The following KCNQ3 variants were observed in gnomAD, a reference collection of about 807,000 sequenced individuals.
KCNQ3 encodes potassium voltage-gated channel subfamily Q member 3.
Under a neutral mutation model 92.5 loss-of-function variants are expected in KCNQ3, and 30 were observed. That is an observed-to-expected ratio of 0.32 (90% CI 0.24 to 0.44). KCNQ3 has a LOEUF of 0.44. Ranked by LOEUF, KCNQ3 falls within the 20% of genes least tolerant of loss-of-function variation. The pLI, the probability that KCNQ3 is intolerant of heterozygous loss-of-function variation, is 1.00. For missense variants in KCNQ3, 913 were observed against 1,140.3 expected, an observed-to-expected ratio of 0.80 and a Z score of 2.87; for synonymous variants, 450 against 468.8, an observed-to-expected ratio of 0.96 and a Z score of 0.52.
rs757596931 is a variant in KCNQ3, at chr8:132,306,339, C to T, written c.387-120158G>A. On this transcript the variant is annotated intron_variant, in intron 1 of 14. Transcript: ENST00000388996. Reference sequence around the variant, plus strand: ...TTTACAACTTCCCCTCAGGAACTAACGTATCTTCTTTACTCCCTCTAAGAA... The same window carrying T: ...TTTACAACTTCCCCTCAGGAACTAATGTATCTTCTTTACTCCCTCTAAGAA... 8.5e-5 allele frequency among the ~76,000 whole-genome samples: 13 copies of T among 152,336 alleles called. No individual in the cohort carries two copies. In the South Asian group the frequency reaches 1.2e-3, roughly 15 times the overall value.
chr8:132,264,968 G>C (rs1423379215), intron 1 of KCNQ3, among the ~76,000 whole-genome samples: 1 of 152,124 alleles, frequency 6.6e-6, no homozygotes, highest in African/African-American at 2.4e-5. Flanking sequence ...AAAAACCCAG[G>C]CTTGGGTTTA....
chr8:132,324,011 G>T (rs1342533701), intron 1 of KCNQ3, among the ~76,000 whole-genome samples: 1 of 152,158 alleles, frequency 6.6e-6, no homozygotes, highest in East Asian at 1.9e-4. Context: ...GTAGGGTTCA[G>T]AAATTCCACA....
rs192518495 is a variant in KCNQ3, at chr8:132,136,752, A to G, written c.1700+1133T>C. 1.1e-3 allele frequency among the ~76,000 whole-genome samples: 162 copies of G among 152,316 alleles called. 1 individual carries two copies. The highest frequency in any genetic ancestry group is 3.7e-3 in the African/African-American group (154 of 41,562). On this transcript the variant is annotated intron_variant, in intron 12 of 14. Coordinates refer to ENST00000388996, the MANE Select transcript of KCNQ3 (RefSeq NM_004519.4). Reference sequence around the variant, plus strand: ...CATATGCATATATATGTGTACACACATGTCCGCATGTATTATTGGTAATTA... The same window carrying G: ...CATATGCATATATATGTGTACACACGTGTCCGCATGTATTATTGGTAATTA...
At chr8:132,160,709 T>C (rs2130064140) in intron 9 of KCNQ3, among the ~76,000 whole-genome samples, 1 of 152,290 alleles carries the variant, frequency 6.6e-6, no homozygotes, top group African/African-American at 2.4e-5. Context: ...TGTTTTGATT[T>C]ATGAGGATTT....
chr8:132,185,043 C>T (rs2130179682), intron 2 of KCNQ3, among the ~76,000 whole-genome samples: 1 of 152,342 alleles, frequency 6.6e-6, no homozygotes, highest in East Asian at 1.9e-4. Context: ...ACACCTCTGC[C>T]TCTCTCTCTT....
chr8:132,214,630 T>C (rs1813968010), intron 1 of KCNQ3, among the ~76,000 whole-genome samples: 1 of 152,204 alleles, frequency 6.6e-6, no homozygotes, highest in Non-Finnish European at 1.5e-5. Flanking sequence ...GAGAATTCCT[T>C]TTTCAAAGCG....
chr8:132,158,395 T>C (rs894918667), intron 9 of KCNQ3, among the ~76,000 whole-genome samples: 7 of 152,236 alleles, frequency 4.6e-5, no homozygotes, highest in African/African-American at 1.7e-4. Flanking sequence ...GCGTGAATTA[T>C]AGTGTCTGAC....
In KCNQ3 at chr8:132,480,690, A is replaced by G; in HGVS notation, c.-158T>C. ...TCCCCACCCCCCCCCAAAAGCAGGC[A>G]AAGGCGGGCCCCCTGGGGGGCAGGG... is the stretch of plus-strand genomic sequence containing the variant. On this transcript the variant is annotated 5_prime_UTR_variant, in exon 1 of 15. Transcript: ENST00000388996. The G allele has an allele frequency of 1.3e-6, 1 of 749,720 alleles. No individual in the cohort carries two copies. The highest frequency in any genetic ancestry group is 1.6e-6 in the Non-Finnish European group (1 of 620,016). 46.4% of individuals were successfully genotyped at this position (749,720 alleles called of 1,614,324 possible).
At chr8:132,161,665 GA>G (rs148956267) in intron 9 of KCNQ3, among the ~76,000 whole-genome samples, 75 of 147,850 alleles carry the variant, frequency 5.1e-4, no homozygotes, top group African/African-American at 1.2e-3. Flanking sequence ...AAAAGAAAAA[GA>G]AAAAAAAAAG....
intron 1 of KCNQ3, among the ~76,000 whole-genome samples, chr8:132,439,380 C>T (rs1011712270): frequency 5.3e-5 from 8 of 152,124 alleles, no homozygotes; most frequent in East Asian, 1.9e-4. Context: ...AGCAGGACCG[C>T]GGCTTCATGG....
rs938546742 is a variant in KCNQ3 at position 132,126,423 on chromosome 8, C to T, written c.*2839G>A. ...GTTGAGATTGTCTGTGCATAGGCAA[C>T]TTGAGCAGGTTTGGTTTGCCTTTCT... On this transcript the variant is annotated 3_prime_UTR_variant, in exon 15 of 15. Coordinates refer to ENST00000388996, the MANE Select transcript of KCNQ3 (RefSeq NM_004519.4). The T allele has an allele frequency of 2.6e-5, 4 of 152,126 alleles. No individual in the cohort carries two copies. The highest frequency in any genetic ancestry group is 5.9e-5 in the Non-Finnish European group (4 of 68,040). The allele number at this position is 152,126 out of a possible 1,614,324, so 9.4% of individuals were successfully genotyped here. A position where few individuals can be genotyped will look rare whatever the true frequency, so the allele number is the denominator to read the frequency against.
intron 1 of KCNQ3, among the ~76,000 whole-genome samples, chr8:132,396,822 TAGA>T (rs1347275875): frequency 1.3e-5 from 2 of 152,060 alleles, no homozygotes; most frequent in African/African-American, 4.8e-5. Flanking sequence ...AGAACGTTCT[TAGA>T]AGAAGTCAGA....
chr8:132,270,613 T>C (rs567631947), intron 1 of KCNQ3, among the ~76,000 whole-genome samples: 2 of 152,360 alleles, frequency 1.3e-5, no homozygotes, highest in South Asian at 4.1e-4. Flanking sequence ...CCTTTAAGTA[T>C]TATCTATGGC....
chr8:132,129,274 A>C lies in KCNQ3; in HGVS notation c.2607T>G (p.Asn869Lys), dbSNP rs1238931204. ...CCAGTGACCTCTTTTAAATGGGCTT[A>C]TTGGAAGGGGTCCATACTGAATCAG... Reference protein sequence around the residue: ...GISDSVWTPSNKPI With the variant: ...GISDSVWTPSKKPI The change falls in exon 15 of 15, where the codon AAT becomes AAG. Residue 869 changes from asparagine to lysine, a missense_variant. By Grantham distance (94) the Asn-to-Lys change is moderately conservative (BLOSUM62 0). Transcript: ENST00000388996. This position sits in a 1 kb window ranked among gnomAD's most constrained non-coding sequence, Gnocchi z 5.9. 1 of 1,612,206 alleles carries C rather than the reference A, an allele frequency of 6.2e-7. No individual in the cohort carries two copies. Among genetic ancestry groups the C allele is most frequent in the East Asian group, 2.2e-5 (1 of 44,892 alleles).
intron 1 of KCNQ3, among the ~76,000 whole-genome samples, chr8:132,264,213 C>G (rs966588265): frequency 6.6e-6 from 1 of 152,158 alleles, no homozygotes; most frequent in Admixed American, 6.5e-5. Context: ...CAGATCTCCC[C>G]CAGGCCAGCC....
chr8:132,245,477 T>C (rs1219573054), intron 1 of KCNQ3, among the ~76,000 whole-genome samples: 1 of 152,230 alleles, frequency 6.6e-6, no homozygotes, highest in Non-Finnish European at 1.5e-5. Context: ...GTTTAGCATA[T>C]GGACTCTAAA....
rs184608997 is a variant in KCNQ3 at position 132,268,165 on chromosome 8, C to T, written c.387-81984G>A. On this transcript the variant is annotated intron_variant, in intron 1 of 14. Coordinates refer to ENST00000388996, the MANE Select transcript of KCNQ3 (RefSeq NM_004519.4). ...CCATGTTCTATCTCTTCTAGAATGT[C>T]ATATAGTTGGAGTCATATAGTATGT... 3.3e-5 allele frequency among the ~76,000 whole-genome samples: 5 copies of T among 152,316 alleles called. No individual in the cohort carries two copies. In the East Asian group the frequency reaches 9.6e-4, roughly 29 times the overall value.
intron 9 of KCNQ3, among the ~76,000 whole-genome samples, chr8:132,144,622 T>C (rs1825398383): frequency 6.6e-6 from 1 of 152,202 alleles, no homozygotes; most frequent in Non-Finnish European, 1.5e-5. Context: ...ATCAAGGTTG[T>C]TCTATCCTGG....
intron 12 of KCNQ3, among the ~76,000 whole-genome samples, chr8:132,135,947 C>A (rs1314120621): frequency 1.3e-5 from 2 of 151,542 alleles, no homozygotes; most frequent in East Asian, 3.9e-4. Context: ...CGGTGAAACC[C>A]CATCTCTACT....
Sources: allele counts gnomAD v4.1 joint callset (sites outside exome capture counted in the v4.1 genomes callset), GRCh38; gene constraint gnomAD v4.1.1; non-coding constraint Gnocchi (gnomAD v3.1); transcripts MANE v1.5; gene names NCBI Gene and HGNC (gene_info 2026-07-23, HGNC 2026-07-21).